Variants in HNRNPA1 observed in about 807,000 individuals in gnomAD.
HNRNPA1 encodes heterogeneous nuclear ribonucleoprotein A1.
A neutral mutation model predicts 44.4 loss-of-function variants in HNRNPA1; 7 were observed. That is an observed-to-expected ratio of 0.16 (90% CI 0.09 to 0.30). The LOEUF is 0.30. Among genes scored for constraint, HNRNPA1 ranks in the 10% least tolerant of loss-of-function variants. HNRNPA1 has a pLI of 1.00. For missense variants in HNRNPA1, 193 were observed against 465.8 expected (o/e 0.41, Z 5.39); for synonymous variants, 169 against 160.6 (o/e 1.05, Z -0.40).
intron 1 of HNRNPA1, 92 bp from the exon 2 acceptor site, chr12:54,281,294 A>G (rs1944163987): frequency 1.3e-6 from 1 of 759,198 alleles, no homozygotes; most frequent in Non-Finnish European, 2.4e-6. Flanking sequence ...AATAAGTGCT[A>G]GGTACACAGT....
chr12:54,281,620 C>T (rs915889724), intron 2 of HNRNPA1, 118 bp downstream of exon 2: 3 of 1,009,930 alleles, frequency 3.0e-6, no homozygotes, highest in Non-Finnish European at 4.6e-6. Flanking sequence ...GCTTTGTTGG[C>T]AAAGGAACGT....
Position 54,283,151 on chromosome 12 carries a change from G to A in HNRNPA1, c.824G>A (p.Gly275Glu), listed in dbSNP as rs768986420. Residue 275 changes from glycine (G) to glutamate (E), a missense_variant, in exon 8 of 11, where the codon GGA becomes GAA. Gly to Glu is a moderately conservative substitution (Grantham distance 98). This residue lies in a region of HNRNPA1 where 136 missense variants were observed against 234.4 expected (regional missense o/e 0.58). Transcript: ENST00000340913. ...TATGGAAGTGGTGGACAGGGTTATG[G>A]AAACCAGGGCAGTGGCTATGGCGGG... ...RGYGSGGQGY[G>E]NQGSGYGGSG... 6.2e-7 allele frequency: 1 copy of A among 1,613,560 alleles called. No individual in the cohort carries two copies. The highest frequency in any genetic ancestry group is 8.5e-7 in the Non-Finnish European group (1 of 1,179,784).
chr12:54,285,361 G>C lies in HNRNPA1; in HGVS notation c.*817G>C, dbSNP rs568707896. On this transcript the variant is annotated 3_prime_UTR_variant, in exon 11 of 11. Transcript: ENST00000340913. The stretch of plus-strand genomic sequence containing the variant: ...ACAATTCAAGTTCAAAGCTCTGCCA[G>C]GGAATAGAAACTAGCTGCTGGCTAA... The C allele has an allele frequency of 2.6e-5, 4 of 152,346 alleles. No homozygotes were observed. The highest frequency in any genetic ancestry group is 2.0e-4 in the Admixed American group (3 of 15,306). 9.4% of individuals were successfully genotyped at this position (152,346 alleles called of 1,614,324 possible). A position where few individuals can be genotyped will look rare whatever the true frequency, so the allele number is the denominator to read the frequency against.
chr12:54,281,069 T>A lies in HNRNPA1; in HGVS notation c.15+247T>A, dbSNP rs544572492. 15 of 703,956 alleles carry A rather than the reference T, an allele frequency of 2.1e-5. No individual in the cohort carries two copies. The South Asian group carries it at 2.2e-4, about 11-fold the overall frequency. The allele number at this position is 703,956 out of a possible 1,614,324, so 43.6% of individuals were successfully genotyped here. ...GCAAAATTCTTAGGCACACAGGATC[T>A]TTGTCTTTTTTTAAACCTTGCCTTG... On this transcript the variant is annotated intron_variant, in intron 1 of 10. Transcript: ENST00000340913.
rs483353023 is a variant in HNRNPA1, at chr12:54,283,853, A to G, written c.949A>G (p.Asn317Asp). Residue 317 changes from asparagine to aspartate, a missense_variant, in exon 9 of 11, where the codon AAT becomes GAT. Transcript: ENST00000340913. ...GGGGSYNDFG[N>D]YNNQSSNFGP... The stretch of plus-strand genomic sequence containing the variant: ...TGGTGGAAGCTACAATGATTTTGGG[A>G]ATTACAACAATCAGTCTTCAAATTT... The G allele has an allele frequency of 1.2e-6, 2 of 1,613,746 alleles. No homozygotes were observed. Among genetic ancestry groups the G allele is most frequent in the Non-Finnish European group, 1.7e-6 (2 of 1,179,988 alleles).
At chr12:54,281,040 C>G (rs186219876) in intron 1 of HNRNPA1, 1 of 710,174 alleles carries the variant, frequency 1.4e-6, no homozygotes, top group South Asian at 1.5e-5. Flanking sequence ...ACTCGTTACT[C>G]GTAGCAAAAT....
chr12:54,285,913 G>T lies in HNRNPA1; in HGVS notation c.*1369G>T, dbSNP rs1944257353. The T allele has an allele frequency of 6.6e-6, 1 of 151,946 alleles. No homozygotes were observed. Among genetic ancestry groups the T allele is most frequent in the African/African-American group, 2.4e-5 (1 of 41,362 alleles). The allele number at this position is 151,946 out of a possible 1,614,324, so 9.4% of individuals were successfully genotyped here. A position where few individuals can be genotyped will look rare whatever the true frequency, so the allele number is the denominator to read the frequency against. On this transcript the variant is annotated 3_prime_UTR_variant, in exon 11 of 11. Coordinates refer to ENST00000340913, the MANE Select transcript of HNRNPA1 (RefSeq NM_031157.4). ...GAGGTGGTGGTGGGTGGGAAAGCAT[G>T]GGTGATAGTTCCATGATACTGGCTG...
Position 54,281,959 on chromosome 12 carries a change from C to T in HNRNPA1, c.279+18C>T, listed in dbSNP as rs1254811079. On this transcript the variant is annotated intron_variant, in intron 3 of 10. Coordinates refer to ENST00000340913, the MANE Select transcript of HNRNPA1 (RefSeq NM_031157.4). Reference sequence around the variant, plus strand: ...CCAGAGAAGTGAGTGGGTTTTTTTTCTTCTTCTTCTTAAACTTACTTGGAT... The same window carrying T: ...CCAGAGAAGTGAGTGGGTTTTTTTTTTTCTTCTTCTTAAACTTACTTGGAT... The T allele has an allele frequency of 1.9e-6, 3 of 1,605,258 alleles. No homozygotes were observed. Among genetic ancestry groups the T allele is most frequent in the African/African-American group, 1.3e-5 (1 of 74,684 alleles).
intron 8 of HNRNPA1, chr12:54,283,577 C>T: frequency 1.7e-6 from 1 of 596,246 alleles, no homozygotes; most frequent in Non-Finnish European, 3.0e-6. Flanking sequence ...ATGCTTGTGC[C>T]ACTCTGAAAA....
At chr12:54,283,569 GC>G (rs953447802) in intron 8 of HNRNPA1, among the ~76,000 whole-genome samples, 6 of 152,092 alleles carry the variant, frequency 3.9e-5, no homozygotes, top group African/African-American at 1.4e-4. Flanking sequence ...TGAAGGGTAT[GC>G]TTGTGCCACT....
chr12:54,281,694 T>A, intron 2 of HNRNPA1, 101 bp from the exon 3 acceptor site: 1 of 1,300,142 alleles, frequency 7.7e-7, no homozygotes, highest in Non-Finnish European at 1.1e-6. Context: ...CGACTTTTTA[T>A]AAAAGGCTGG....
chr12:54,282,535 A>C, intron 5 of HNRNPA1, 38 bp from the exon 6 acceptor site: 1 of 1,608,554 alleles, frequency 6.2e-7, no homozygotes, highest in Non-Finnish European at 8.5e-7. Context: ...GAGTTACTCC[A>C]GTATGAATGA....
chr12:54,283,792 G>A lies in HNRNPA1; in HGVS notation c.908-20G>A. 2 of 1,611,606 alleles carry A rather than the reference G, an allele frequency of 1.2e-6. No homozygotes were observed. The highest frequency in any genetic ancestry group is 1.1e-5 in the South Asian group (1 of 91,038). ...CATCATCCTCAGGTAACAGATAAAG[G>A]CCCTCTTTCCCATTCATAGGAAGCA... On this transcript the variant is annotated intron_variant, in intron 8 of 10. Coordinates refer to ENST00000340913, the MANE Select transcript of HNRNPA1 (RefSeq NM_031157.4).
chr12:54,283,139 G>C lies in HNRNPA1; in HGVS notation c.812G>C (p.Gly271Ala), dbSNP rs919773006. The C allele has an allele frequency of 3.1e-6, 5 of 1,613,580 alleles. No homozygotes were observed. The highest frequency in any genetic ancestry group is 1.3e-5 in the African/African-American group (1 of 74,918). The part of the protein sequence containing the change: ...SGGSRGYGSG[G>A]QGYGNQGSGY... ...GGAAGCAGAGGCTATGGAAGTGGTGGACAGGGTTATGGAAACCAGGGCAGT... is the reference window on the plus strand; with the variant it reads ...GGAAGCAGAGGCTATGGAAGTGGTGCACAGGGTTATGGAAACCAGGGCAGT... Residue 271 changes from glycine (G) to alanine (A), a missense_variant, in exon 8 of 11, where the codon GGA (glycine) becomes GCA (alanine). By Grantham distance (60) the Gly-to-Ala change is moderately conservative (BLOSUM62 0). Coordinates refer to ENST00000340913, the MANE Select transcript of HNRNPA1 (RefSeq NM_031157.4).
chr12:54,281,012 CATG>C, intron 1 of HNRNPA1, 190 bp downstream of exon 1: 1 of 720,264 alleles, frequency 1.4e-6, no homozygotes, highest in Non-Finnish European at 2.5e-6. Context: ...CTCCGCCAAC[CATG>C]AGTTATCATG....
chr12:54,284,116 A>G, intron 9 of HNRNPA1, 142 bp from the exon 10 acceptor site: 1 of 1,275,334 alleles, frequency 7.8e-7, no homozygotes, highest in South Asian at 1.5e-5. Flanking sequence ...AATTAGAAAA[A>G]TCATGGGACC....
Position 54,282,294 on chromosome 12 carries a change from A to G in HNRNPA1, c.484A>G (p.Ile162Val). Residue 162 changes from isoleucine (I) to valine (V), a missense_variant, in exon 4 of 11, where the codon ATT becomes GTT. This residue lies in a region of HNRNPA1 where 57 missense variants were observed against 231.3 expected (regional missense o/e 0.25). Transcript: ENST00000340913. ...TFDDHDSVDK[I>V]VIQKYHTVNG... is the part of the protein sequence containing the mutation. ...TGACGACCATGACTCCGTGGATAAG[A>G]TTGTCAGTAAGTATCAGATAGTGGC... 1 of 1,613,840 alleles carries G rather than the reference A, an allele frequency of 6.2e-7. No homozygotes were observed. Among genetic ancestry groups the G allele is most frequent in the East Asian group, 2.2e-5 (1 of 44,892 alleles).
In HNRNPA1 at chr12:54,286,556, C is replaced by G. The variant is rs1003603418; in HGVS notation, c.*2012C>G. On this transcript the variant is annotated 3_prime_UTR_variant, in exon 11 of 11. Transcript: ENST00000340913. Reference sequence around the variant, plus strand: ...TAATGGCTCAAAGTAATAGACTTCCCCAAATGGTGGGGGGATGGGTGGGTT... The same window carrying G: ...TAATGGCTCAAAGTAATAGACTTCCGCAAATGGTGGGGGGATGGGTGGGTT... 1 of 151,838 alleles carries G rather than the reference C, an allele frequency of 6.6e-6. No homozygotes were observed. The highest frequency in any genetic ancestry group is 1.5e-5 in the Non-Finnish European group (1 of 67,978). 9.4% of individuals were successfully genotyped at this position (151,838 alleles called of 1,614,324 possible).
At position 54,280,731 on chromosome 12, in the gene HNRNPA1, C is replaced by T. The variant is rs1406892195; in HGVS notation, c.-77C>T. 2 of 1,546,948 alleles carry T rather than the reference C, an allele frequency of 1.3e-6. No individual in the cohort carries two copies. The highest frequency in any genetic ancestry group is 1.4e-5 in the African/African-American group (1 of 73,670). On this transcript the variant is annotated 5_prime_UTR_variant, in exon 1 of 11. The change creates a new upstream start codon in the 5' untranslated region. Coordinates refer to ENST00000340913, the MANE Select transcript of HNRNPA1 (RefSeq NM_031157.4). ...GAGGGCGAAGGTAGGCTGGCAGATA[C>T]GTTCGTCAGCTTGCTCCTTTCTGCC...
Sources: allele counts gnomAD v4.1 joint callset (sites outside exome capture counted in the v4.1 genomes callset), GRCh38; gene constraint gnomAD v4.1.1; regional missense constraint gnomAD v4.1.1; transcripts MANE v1.5; gene names NCBI Gene and HGNC (gene_info 2026-07-23, HGNC 2026-07-21).